Variants in NKAIN2 observed in about 807,000 individuals in gnomAD.
NKAIN2 encodes the protein sodium/potassium-transporting ATPase subunit beta-1-interacting protein 2.
In NKAIN2, 14 loss-of-function variants were observed where a neutral mutation model predicts 32.6. The observed-to-expected ratio is 0.43, with a 90% CI of 0.28 to 0.67. The LOEUF (loss-of-function observed/expected upper bound fraction) is 0.67. Among genes scored for constraint, NKAIN2 ranks in the 30% least tolerant of loss-of-function variants. The pLI is 0.17. For synonymous variants in NKAIN2, 80 were observed against 87.2 expected, an observed-to-expected ratio of 0.92 and a Z score of 0.46; for missense variants, 198 against 258.3, an observed-to-expected ratio of 0.77 and a Z score of 1.60.
rs61191593 is a variant in NKAIN2 at position 124,476,065 on chromosome 6, AGTGTGTGTGTGT to A, written c.273+120740_273+120751del. On this transcript the variant is annotated intron_variant, in intron 3 of 6. Transcript: ENST00000368417. ...GTGTGTGTGAGAGAGAGAGAGAGAG[AGTGTGTGTGTGT>A]GTGTGTGTGTGTGTGTGTGTGCGTG... Among the ~76,000 whole-genome samples, 455 of 132,544 alleles carry A rather than the reference AGTGTGTGTGTGT, an allele frequency of 3.4e-3. 5 individuals carry two copies. Among genetic ancestry groups the A allele is most frequent in the African/African-American group, 0.013 (437 of 34,788 alleles). The allele number at this position is 132,544 out of a possible 152,430, so 87.0% of individuals were successfully genotyped here.
intron 3 of NKAIN2, among the ~76,000 whole-genome samples, chr6:124,384,932 A>G (rs1772826785): frequency 6.6e-6 from 1 of 152,084 alleles, no homozygotes. Context: ...TCTTTTACTC[A>G]CTTTTTAAAT....
chr6:124,416,669 G>A (rs909798119), intron 3 of NKAIN2, among the ~76,000 whole-genome samples: 1 of 152,060 alleles, frequency 6.6e-6, no homozygotes, highest in Non-Finnish European at 1.5e-5. Flanking sequence ...ATAAAGTAGT[G>A]TCAGAGGAGA....
chr6:124,080,469 T>G (rs544856555), intron 1 of NKAIN2, among the ~76,000 whole-genome samples: 2 of 152,228 alleles, frequency 1.3e-5, no homozygotes, highest in Admixed American at 1.3e-4. Context: ...ACAGTTTCAT[T>G]TTACTAATTC....
At chr6:124,799,345 A>G (rs1372348121) in intron 5 of NKAIN2, among the ~76,000 whole-genome samples, 2 of 152,198 alleles carry the variant, frequency 1.3e-5, no homozygotes, top group Admixed American at 6.5e-5. Context: ...CACATAAGCT[A>G]TATTTTTAAA....
intron 1 of NKAIN2, among the ~76,000 whole-genome samples, chr6:123,977,524 G>A (rs1428334214): frequency 6.6e-6 from 1 of 152,126 alleles, no homozygotes; most frequent in Non-Finnish European, 1.5e-5. Flanking sequence ...TTGTTGAGAG[G>A]AGGGCTGTAA....
intron 1 of NKAIN2, among the ~76,000 whole-genome samples, chr6:124,251,414 C>G (rs1793686346): frequency 6.6e-6 from 1 of 151,680 alleles, no homozygotes; most frequent in Admixed American, 6.6e-5. Context: ...ACATGTCAAG[C>G]CCAGAAGAAG....
chr6:124,624,564 A>C (rs1388145874), intron 3 of NKAIN2, among the ~76,000 whole-genome samples: 1 of 152,230 alleles, frequency 6.6e-6, no homozygotes, highest in Non-Finnish European at 1.5e-5. Flanking sequence ...AAAAGATATC[A>C]TAGATAAACA....
intron 5 of NKAIN2, among the ~76,000 whole-genome samples, chr6:124,802,861 C>T (rs561666685): frequency 3.3e-5 from 5 of 152,330 alleles, no homozygotes; most frequent in African/African-American, 1.2e-4. Context: ...GGTCTTCCTA[C>T]TCATTATCTA....
At chr6:123,908,689 C>T (rs1192738045) in intron 1 of NKAIN2, among the ~76,000 whole-genome samples, 1 of 152,172 alleles carries the variant, frequency 6.6e-6, no homozygotes, top group Non-Finnish European at 1.5e-5. Context: ...GGAGTTCCCA[C>T]TTACGTACTG....
intron 1 of NKAIN2, among the ~76,000 whole-genome samples, chr6:124,042,492 T>C (rs1454353434): frequency 6.6e-6 from 1 of 152,014 alleles, no homozygotes; most frequent in Non-Finnish European, 1.5e-5. Flanking sequence ...CTTACAGAAT[T>C]TGGCAAATAT....
intron 1 of NKAIN2, among the ~76,000 whole-genome samples, chr6:123,900,234 G>T (rs966494345): frequency 1.3e-5 from 2 of 152,126 alleles, no homozygotes; most frequent in Non-Finnish European, 2.9e-5. Flanking sequence ...CACTTTGGGA[G>T]GCTGAGGCGG....
At chr6:124,637,918 G>A (rs1044299897) in intron 3 of NKAIN2, among the ~76,000 whole-genome samples, 1 of 151,994 alleles carries the variant, frequency 6.6e-6, no homozygotes, top group East Asian at 1.9e-4. Flanking sequence ...TCTAATACTT[G>A]TATGGAACCA....
At chr6:123,836,931 G>A (rs1774654479) in intron 1 of NKAIN2, among the ~76,000 whole-genome samples, 2 of 152,010 alleles carry the variant, frequency 1.3e-5, no homozygotes, top group South Asian at 2.1e-4. Flanking sequence ...CCCCACAAAC[G>A]ATGCACATTA....
chr6:124,778,333 A>T (rs1314960749), intron 4 of NKAIN2, among the ~76,000 whole-genome samples: 1 of 151,978 alleles, frequency 6.6e-6, no homozygotes, highest in Non-Finnish European at 1.5e-5. Flanking sequence ...ATAGCACTTG[A>T]TAGCAATTTT....
rs1795443595 is a variant in NKAIN2, at chr6:124,284,235, C to G, written c.192+1093C>G. On this transcript the variant is annotated intron_variant, in intron 2 of 6. Transcript: ENST00000368417. ...TTGCAGGGTGAAGTTTTTTAATGCA[C>G]AAGATATGATAGTATTGTCCATTTT... Among the ~76,000 whole-genome samples the G allele has an allele frequency of 2.6e-5, 4 of 152,090 alleles. No homozygotes were observed. In the South Asian group the frequency reaches 8.3e-4, roughly 32 times the overall value.
chr6:123,883,103 A>G (rs759275367), intron 1 of NKAIN2, among the ~76,000 whole-genome samples: 1 of 152,084 alleles, frequency 6.6e-6, no homozygotes, highest in Non-Finnish European at 1.5e-5. Flanking sequence ...TGGTTAGATC[A>G]TGGGGTTGAT....
At chr6:123,915,632 G>A (rs1051155718) in intron 1 of NKAIN2, among the ~76,000 whole-genome samples, 6 of 152,100 alleles carry the variant, frequency 3.9e-5, no homozygotes, top group East Asian at 1.9e-4. Context: ...AGATATACAC[G>A]AGAGAAAATT....
chr6:124,614,657 T>G (rs1368823431), intron 3 of NKAIN2, among the ~76,000 whole-genome samples: 1 of 152,006 alleles, frequency 6.6e-6, no homozygotes, highest in Non-Finnish European at 1.5e-5. Context: ...CTCACTCTAC[T>G]CTTTCCTTTA....
chr6:124,403,945 T>C (rs1278166113), intron 3 of NKAIN2, among the ~76,000 whole-genome samples: 2 of 152,200 alleles, frequency 1.3e-5, no homozygotes, highest in Non-Finnish European at 2.9e-5. Context: ...ATTTTATTTC[T>C]CAAGTTATTT....
Sources: allele counts gnomAD v4.1 joint callset (sites outside exome capture counted in the v4.1 genomes callset), GRCh38; gene constraint gnomAD v4.1.1; transcripts MANE v1.5; gene names NCBI Gene and HGNC (gene_info 2026-07-23, HGNC 2026-07-21).